ZNF772: variants seen among roughly 807,000 people sequenced by gnomAD.
The protein encoded by ZNF772 is zinc finger protein 772.
A neutral mutation model predicts 11.0 loss-of-function variants in ZNF772; 8 were observed. The observed-to-expected ratio is 0.73, with a 90% CI of 0.43 to 1.31. The LOEUF (loss-of-function observed/expected upper bound fraction) is 1.31, where lower values mean the gene tolerates loss of function less well. Ranked by LOEUF, ZNF772 falls within the 50% of genes most tolerant of loss-of-function variation. The pLI is 0.01. For missense variants in ZNF772, 496 were observed against 552.3 expected, an observed-to-expected ratio of 0.90 and a Z score of 1.02; for synonymous variants, 155 against 180.4, an observed-to-expected ratio of 0.86 and a Z score of 1.13.
At position 57,475,370 on chromosome 19, in the gene ZNF772, G is replaced by A. The variant is rs2089270681; in HGVS notation, c.199+290C>T. On this transcript the variant is annotated intron_variant, in intron 3 of 3. Coordinates refer to ENST00000356584, the MANE Select transcript of ZNF772 (RefSeq NM_001144068.2). This position sits in a 1 kb window ranked among gnomAD's most constrained non-coding sequence, Gnocchi z 4.2. ...AGAGGTGTCATGGATACAGACAGAG[G>A]AATTCAGACAGGGAAAGGACAAGAT... Among the ~76,000 whole-genome samples, 1 of 152,086 alleles carries A rather than the reference G, an allele frequency of 6.6e-6. No homozygotes were observed.
In ZNF772 at chr19:57,470,126, G is replaced by C. The variant is rs1424038845; in HGVS notation, c.*3148C>G. The C allele has an allele frequency of 2.0e-5, 3 of 152,314 alleles. No homozygotes were observed. Among genetic ancestry groups the C allele is most frequent in the Non-Finnish European group, 4.4e-5 (3 of 68,036 alleles). The allele number at this position is 152,314 out of a possible 1,614,324, so 9.4% of individuals were successfully genotyped here. On this transcript the variant is annotated 3_prime_UTR_variant, in exon 4 of 4. Coordinates refer to ENST00000356584, the MANE Select transcript of ZNF772 (RefSeq NM_001144068.2). The stretch of plus-strand genomic sequence containing the variant: ...CGCCTGTAATCCCAGCACTTTGGGA[G>C]GCTGAGGCAGGCGGATCACAAGATC...
chr19:57,477,411 C>G lies in ZNF772; in HGVS notation c.-102G>C, dbSNP rs2089297874. 7.7e-7 allele frequency: 1 copy of G among 1,305,690 alleles called. No individual in the cohort carries two copies. Among genetic ancestry groups the G allele is most frequent in the Non-Finnish European group, 1.1e-6 (1 of 917,528 alleles). The allele number at this position is 1,305,690 out of a possible 1,614,324, so 80.9% of individuals were successfully genotyped here. ...TAGGTCACTCAGGCAGCGCCACTGT[C>G]AAGCCTCAGGCCCACCTCTCTTCAG... On this transcript the variant is annotated 5_prime_UTR_variant, in exon 1 of 4. Transcript: ENST00000356584.
At position 57,475,021 on chromosome 19, in the gene ZNF772, C is replaced by T; in HGVS notation, c.200-600G>A. 1.2e-6 allele frequency: 2 copies of T among 1,614,156 alleles called. No individual in the cohort carries two copies. The highest frequency in any genetic ancestry group is 1.1e-5 in the South Asian group (1 of 91,068). On this transcript the variant is annotated intron_variant, in intron 3 of 3. Transcript: ENST00000356584. This position sits in a 1 kb window ranked among gnomAD's most constrained non-coding sequence, Gnocchi z 4.2. ...ATCACACCTTTCCCCAGCTCCTACT[C>T]ACCAGGGTCACTCCCACCTGGAGTC...
At position 57,475,950 on chromosome 19, in the gene ZNF772, ATGGATCAC is replaced by A. The variant is rs1444746069; in HGVS notation, c.73-172_73-165del. Among the ~76,000 whole-genome samples the A allele has an allele frequency of 6.6e-6, 1 of 152,148 alleles. No homozygotes were observed. Among genetic ancestry groups the A allele is most frequent in the African/African-American group, 2.4e-5 (1 of 41,436 alleles). On this transcript the variant is annotated intron_variant, in intron 2 of 3. Transcript: ENST00000356584. The surrounding 1 kb of genome is among the most constrained non-coding windows in gnomAD (Gnocchi z 4.2). ...TGTCTTCTCTCGCCTCATGGTCCCA[ATGGATCAC>A]TGTGTCTACCCATAGCAACCACAGG... is the stretch of plus-strand genomic sequence containing the variant.
chr19:57,473,973 C>G lies in ZNF772; in HGVS notation c.648G>C (p.Glu216Asp). ...AATGCCTTTTTCCACAGTGAGAGGC[C>G]TCCTCACACTTGGTGTTGCTGTGTG... Reference protein sequence around the residue: ...WKPHSNTKCEEASHCGKRHYK... With the variant: ...WKPHSNTKCEDASHCGKRHYK... Residue 216 changes from glutamate to aspartate, a missense_variant, in exon 4 of 4, where the codon GAG becomes GAC. Coordinates refer to ENST00000356584, the MANE Select transcript of ZNF772 (RefSeq NM_001144068.2). 6.2e-7 allele frequency: 1 copy of G among 1,614,192 alleles called. No individual in the cohort carries two copies. The highest frequency in any genetic ancestry group is 2.2e-5 in the East Asian group (1 of 44,886).
chr19:57,472,045 T>C lies in ZNF772; in HGVS notation c.*1229A>G, dbSNP rs2089220815. The C allele has an allele frequency of 1.1e-5, 5 of 441,184 alleles. No individual in the cohort carries two copies. Among genetic ancestry groups the C allele is most frequent in the Non-Finnish European group, 2.3e-5 (5 of 221,654 alleles). The allele number at this position is 441,184 out of a possible 1,614,324, so 27.3% of individuals were successfully genotyped here. A position where few individuals can be genotyped will look rare whatever the true frequency, so the allele number is the denominator to read the frequency against. ...CAGTTTATTGCAAAAATGTTTAGAC[T>C]GACTTCTGGACAGTAACCTTAGCCA... On this transcript the variant is annotated 3_prime_UTR_variant, in exon 4 of 4. Coordinates refer to ENST00000356584, the MANE Select transcript of ZNF772 (RefSeq NM_001144068.2).
intron 1 of ZNF772, 122 bp from the exon 2 acceptor site, chr19:57,476,794 C>G: frequency 3.6e-6 from 3 of 840,262 alleles, no homozygotes; most frequent in Non-Finnish European, 5.5e-6. Flanking sequence ...ACCCTCTGTG[C>G]TTCCATCTTC....
intron 3 of ZNF772, 145 bp from the exon 4 acceptor site, chr19:57,474,566 G>T: frequency 1.3e-6 from 1 of 781,564 alleles, no homozygotes; most frequent in Non-Finnish European, 2.0e-6. Flanking sequence ...TTCAGCAAAT[G>T]TGTACTATAC....
chr19:57,474,775 G>A (rs1175118251), intron 3 of ZNF772, among the ~76,000 whole-genome samples: 2 of 152,228 alleles, frequency 1.3e-5, no homozygotes, highest in Non-Finnish European at 2.9e-5. Context: ...AGTAGTTGGT[G>A]TTTAAGGACT....
rs1477176337 is a variant in ZNF772 at position 57,470,020 on chromosome 19, A to G, written c.*3254T>C. ...GGAATTAAATAACATACATTTAAAA[A>G]GAGCCATGTGTCAAGAAGAATTTTT... On this transcript the variant is annotated 3_prime_UTR_variant, in exon 4 of 4. Coordinates refer to ENST00000356584, the MANE Select transcript of ZNF772 (RefSeq NM_001144068.2). The G allele has an allele frequency of 1.3e-5, 2 of 152,254 alleles. No homozygotes were observed. The highest frequency in any genetic ancestry group is 3.8e-4 in the East Asian group (2 of 5,204). The allele number at this position is 152,254 out of a possible 1,614,324, so 9.4% of individuals were successfully genotyped here. A position where few individuals can be genotyped will look rare whatever the true frequency, so the allele number is the denominator to read the frequency against.
chr19:57,473,170 TA>T lies in ZNF772; in HGVS notation c.*103del. On this transcript the variant is annotated 3_prime_UTR_variant, in exon 4 of 4. Transcript: ENST00000356584. The stretch of plus-strand genomic sequence containing the variant: ...TCCCCAGGGTGAGTGTTTGAGTGTA[TA>T]AAGTTCTACTTCTGGCTGTCGGCTA... 1 of 1,182,588 alleles carries T rather than the reference TA, an allele frequency of 8.5e-7. No individual in the cohort carries two copies. 73.3% of individuals were successfully genotyped at this position (1,182,588 alleles called of 1,614,324 possible). A position where few individuals can be genotyped will look rare whatever the true frequency, so the allele number is the denominator to read the frequency against.
rs111636646 is a variant in ZNF772 at position 57,477,549 on chromosome 19, G to C, written c.-240C>G. The C allele has an allele frequency of 2.1e-6, 1 of 474,956 alleles. No homozygotes were observed. Among genetic ancestry groups the C allele is most frequent in the Non-Finnish European group, 3.8e-6 (1 of 265,580 alleles). 29.4% of individuals were successfully genotyped at this position (474,956 alleles called of 1,614,324 possible). On this transcript the variant is annotated 5_prime_UTR_variant, in exon 1 of 4. In the 5' UTR this introduces an upstream ATG that the reference lacks. Coordinates refer to ENST00000356584, the MANE Select transcript of ZNF772 (RefSeq NM_001144068.2). The stretch of plus-strand genomic sequence containing the variant: ...AAAGCAAACAAAATGTCCACCCGAG[G>C]ATGGTAGAGGAAGTCCCGCCCTGAC...
At chr19:57,474,687 A>AT (rs1437007333) in intron 3 of ZNF772, among the ~76,000 whole-genome samples, 1 of 152,164 alleles carries the variant, frequency 6.6e-6, no homozygotes, top group Non-Finnish European at 1.5e-5. Context: ...TCACAATCAG[A>AT]TTTTCTTGGC....
chr19:57,475,073 C>G lies in ZNF772; in HGVS notation c.199+587G>C. The G allele has an allele frequency of 2.5e-6, 4 of 1,614,216 alleles. No homozygotes were observed. Among genetic ancestry groups the G allele is most frequent in the Non-Finnish European group, 3.4e-6 (4 of 1,180,028 alleles). On this transcript the variant is annotated intron_variant, in intron 3 of 3. Coordinates refer to ENST00000356584, the MANE Select transcript of ZNF772 (RefSeq NM_001144068.2). This position sits in a 1 kb window ranked among gnomAD's most constrained non-coding sequence, Gnocchi z 4.2. ...CTGTGGCAACAGCTAGGGTCATGTC[C>G]ACCCAGTCAGGTACCCAGGGCTCAC...
chr19:57,475,015 C>T lies in ZNF772; in HGVS notation c.200-594G>A. On this transcript the variant is annotated intron_variant, in intron 3 of 3. Coordinates refer to ENST00000356584, the MANE Select transcript of ZNF772 (RefSeq NM_001144068.2). The surrounding 1 kb of genome is among the most constrained non-coding windows in gnomAD (Gnocchi z 4.2). Reference sequence around the variant, plus strand: ...CCTGACATCACACCTTTCCCCAGCTCCTACTCACCAGGGTCACTCCCACCT... The same window carrying T: ...CCTGACATCACACCTTTCCCCAGCTTCTACTCACCAGGGTCACTCCCACCT... 1.9e-6 allele frequency: 3 copies of T among 1,614,142 alleles called. No individual in the cohort carries two copies. Among genetic ancestry groups the T allele is most frequent in the Non-Finnish European group, 2.5e-6 (3 of 1,180,010 alleles).
rs1290415298 is a variant in ZNF772 at position 57,474,111 on chromosome 19, G to T, written c.510C>A (p.Asn170Lys). ...RSDKSRPFLL[N>K]NCAVQSMEMS... ...TCTCCATTGATTGCACAGCACAGTT[G>T]TTCAGAAGAAAGGGCCTGCTCTTAT... The change falls in exon 4 of 4, where the codon AAC (asparagine) becomes AAA (lysine). Residue 170 changes from asparagine (N) to lysine (K), a missense_variant. Asn to Lys is a moderately conservative substitution (Grantham distance 94). Coordinates refer to ENST00000356584, the MANE Select transcript of ZNF772 (RefSeq NM_001144068.2). 4 of 1,614,040 alleles carry T rather than the reference G, an allele frequency of 2.5e-6. No individual in the cohort carries two copies. The highest frequency in any genetic ancestry group is 3.4e-6 in the Non-Finnish European group (4 of 1,179,996).
intron 2 of ZNF772, chr19:57,476,350 A>G: frequency 2.1e-6 from 1 of 467,308 alleles, no homozygotes; most frequent in Non-Finnish European, 3.9e-6. Flanking sequence ...GAGACCTGCA[A>G]TTTCTTGAAA....
At position 57,469,745 on chromosome 19, in the gene ZNF772, T is replaced by A. The variant is rs1479074511; in HGVS notation, c.*3529A>T. On this transcript the variant is annotated 3_prime_UTR_variant, in exon 4 of 4. Coordinates refer to ENST00000356584, the MANE Select transcript of ZNF772 (RefSeq NM_001144068.2). The stretch of plus-strand genomic sequence containing the variant: ...TTGCTGGAACCAAAACCACAGAATG[T>A]CAATAAAGATAGAAAAAACTTAAAT... 1.3e-5 allele frequency: 2 copies of A among 152,148 alleles called. No individual in the cohort carries two copies. Among genetic ancestry groups the A allele is most frequent in the African/African-American group, 4.8e-5 (2 of 41,438 alleles). The allele number at this position is 152,148 out of a possible 1,614,324, so 9.4% of individuals were successfully genotyped here. A position where few individuals can be genotyped will look rare whatever the true frequency, so the allele number is the denominator to read the frequency against.
chr19:57,476,305 CG>C, intron 2 of ZNF772: 1 of 387,906 alleles, frequency 2.6e-6, no homozygotes, highest in Admixed American at 3.9e-5. Flanking sequence ...GGATGATTCC[CG>C]CCCCCTTGCT....
Sources: allele counts gnomAD v4.1 joint callset (sites outside exome capture counted in the v4.1 genomes callset), GRCh38; gene constraint gnomAD v4.1.1; non-coding constraint Gnocchi (gnomAD v3.1); transcripts MANE v1.5; gene names NCBI Gene and HGNC (gene_info 2026-07-23, HGNC 2026-07-21).